ATP8A2: variants seen among roughly 807,000 people sequenced by gnomAD.
ATP8A2 encodes the protein ATPase phospholipid transporting 8A2, also known as phospholipid-transporting ATPase IB.
Under a neutral mutation model 165.6 loss-of-function variants are expected in ATP8A2, and 100 were observed. The observed-to-expected ratio is 0.60, with a 90% CI of 0.51 to 0.71. The LOEUF is 0.71. Among genes scored for constraint, ATP8A2 ranks in the 30% least tolerant of loss-of-function variants. The pLI is 0.00. For missense variants in ATP8A2, 1,227 were observed against 1,479.5 expected (o/e 0.83, Z 2.80); for synonymous variants, 543 against 548.8 (o/e 0.99, Z 0.15).
chr13:25,388,186 GAGAAAGAAGGA>G (rs1014012246), intron 1 of ATP8A2, among the ~76,000 whole-genome samples: 1 of 152,054 alleles, frequency 6.6e-6, no homozygotes, highest in Non-Finnish European at 1.5e-5. Context: ...GAGGGAAGGA[GAGAAAGAAGGA>G]GGAAGGAAAG....
At chr13:25,859,377 T>G (rs1952273990) in intron 30 of ATP8A2, among the ~76,000 whole-genome samples, 1 of 151,928 alleles carries the variant, frequency 6.6e-6, no homozygotes, top group African/African-American at 2.4e-5. Context: ...TTGGAAGAAG[T>G]TGAAAGAAAT....
intron 33 of ATP8A2, among the ~76,000 whole-genome samples, chr13:25,872,129 G>A (rs538568454): frequency 6.8e-5 from 10 of 146,520 alleles, no homozygotes; most frequent in African/African-American, 1.0e-4. Context: ...CTGGATCTGT[G>A]ACCCAAACTG....
chr13:25,687,817 A>G (rs774503131), intron 24 of ATP8A2, among the ~76,000 whole-genome samples: 10 of 152,208 alleles, frequency 6.6e-5, no homozygotes, highest in Non-Finnish European at 1.3e-4. Context: ...GGCAGAGGTT[A>G]GGCTCCCAGC....
chr13:25,427,726 T>C (rs76877972), intron 1 of ATP8A2, among the ~76,000 whole-genome samples: 3,334 of 151,814 alleles, frequency 0.022, 128 homozygotes, highest in African/African-American at 0.076. Context: ...AAACCTCATC[T>C]CTGCTAAAAA....
intron 2 of ATP8A2, among the ~76,000 whole-genome samples, chr13:25,473,070 A>G (rs2035891838): frequency 6.6e-6 from 1 of 152,210 alleles, no homozygotes; most frequent in Non-Finnish European, 1.5e-5. Context: ...AAATGCCTAG[A>G]AAGCAGGAGT....
chr13:25,451,936 C>G (rs1024845978), intron 1 of ATP8A2, among the ~76,000 whole-genome samples: 7 of 151,278 alleles, frequency 4.6e-5, no homozygotes, highest in East Asian at 1.9e-4. Context: ...CTCACTGTGA[C>G]CTCCGCCTCC....
At chr13:25,888,662 C>A (rs1953250269) in intron 33 of ATP8A2, among the ~76,000 whole-genome samples, 1 of 152,166 alleles carries the variant, frequency 6.6e-6, no homozygotes, top group Non-Finnish European at 1.5e-5. Context: ...GAGTTAGAGA[C>A]CAGCCTGACC....
intron 1 of ATP8A2, among the ~76,000 whole-genome samples, chr13:25,452,868 G>A (rs969955362): frequency 2.6e-5 from 4 of 152,156 alleles, no homozygotes; most frequent in African/African-American, 7.2e-5. Context: ...GCTGAGGCAG[G>A]AGGATCACTT....
At chr13:25,595,004 A>ATG (rs1487402016) in intron 24 of ATP8A2, among the ~76,000 whole-genome samples, 3 of 148,880 alleles carry the variant, frequency 2.0e-5, no homozygotes, top group Non-Finnish European at 4.5e-5. Context: ...ATATATATAT[A>ATG]TATGTATGTA....
At chr13:25,533,134 C>G (rs2038169154) in intron 5 of ATP8A2, 139 bp from the exon 6 acceptor site, 1 of 635,542 alleles carries the variant, frequency 1.6e-6, no homozygotes, top group Non-Finnish European at 2.8e-6. Flanking sequence ...GGTGGGGGTG[C>G]TGATGTTATG....
At position 25,533,252 on chromosome 13, in the gene ATP8A2, TTTTA is replaced by T. The variant is rs1308771512; in HGVS notation, c.467-17_467-14del. On this transcript the variant is annotated splice_polypyrimidine_tract_variant and intron_variant, in intron 5 of 36. Transcript: ENST00000381655. ...AATTTAACACCAGTATTAACCAATA[TTTTA>T]TTTTTCTCTTTTTCAGTGTTAAGAA... 7 of 1,366,476 alleles carry T rather than the reference TTTTA, an allele frequency of 5.1e-6. No homozygotes were observed. Among genetic ancestry groups the T allele is most frequent in the East Asian group, 2.3e-5 (1 of 43,318 alleles). 84.6% of individuals were successfully genotyped at this position (1,366,476 alleles called of 1,614,324 possible). A position where few individuals can be genotyped will look rare whatever the true frequency, so the allele number is the denominator to read the frequency against.
intron 36 of ATP8A2, among the ~76,000 whole-genome samples, chr13:26,015,615 A>G (rs1479332188): frequency 6.6e-6 from 1 of 152,196 alleles, no homozygotes; most frequent in Non-Finnish European, 1.5e-5. Flanking sequence ...ACATAATTTT[A>G]TGGATTTCAC....
chr13:25,541,860 A>C, intron 8 of ATP8A2, 59 bp from the exon 9 acceptor site: 20 of 1,589,904 alleles, frequency 1.3e-5, no homozygotes, highest in Non-Finnish European at 1.6e-5. Context: ...GGGATGCTGA[A>C]TGGTGTCCCT....
At chr13:25,501,308 C>T (rs2036846780) in intron 2 of ATP8A2, among the ~76,000 whole-genome samples, 2 of 152,272 alleles carry the variant, frequency 1.3e-5, no homozygotes, top group African/African-American at 2.4e-5. Flanking sequence ...CAGTGGCCTT[C>T]CCTCTGGTTT....
At chr13:25,386,802 T>C (rs542713248) in intron 1 of ATP8A2, among the ~76,000 whole-genome samples, 33 of 151,918 alleles carry the variant, frequency 2.2e-4, no homozygotes, top group South Asian at 6.2e-4. Flanking sequence ...TCGAGACCAA[T>C]CTGGCTAACA....
chr13:25,756,261 C>T (rs2044258666), intron 25 of ATP8A2, among the ~76,000 whole-genome samples: 1 of 151,466 alleles, frequency 6.6e-6, no homozygotes. Context: ...AAGCAGATGG[C>T]AATGGCGGTG....
chr13:25,574,993 CTCTTT>C, intron 19 of ATP8A2, 136 bp downstream of exon 19: 1 of 467,308 alleles, frequency 2.1e-6, no homozygotes, highest in South Asian at 4.6e-5. Context: ...TCTCCATAAA[CTCTTT>C]TCTTCTTGGA....
chr13:25,471,021 G>A (rs1164143155), intron 2 of ATP8A2, among the ~76,000 whole-genome samples: 1 of 152,120 alleles, frequency 6.6e-6, no homozygotes, highest in Non-Finnish European at 1.5e-5. Context: ...TTCATTTTGG[G>A]GTGATGGTTG....
chr13:25,825,708 C>T (rs1304101280), intron 27 of ATP8A2, among the ~76,000 whole-genome samples: 1 of 152,068 alleles, frequency 6.6e-6, no homozygotes, highest in Non-Finnish European at 1.5e-5. Context: ...GTATTGACTG[C>T]CAAGACCTCC....
Sources: gnomAD v4.1 joint callset for allele counts (sites outside exome capture counted in the v4.1 genomes callset) on GRCh38, gnomAD v4.1.1 for gene constraint, MANE v1.5 for transcripts, NCBI Gene and HGNC (gene_info 2026-07-23, HGNC 2026-07-21) for gene names.